The following CCDC150 variants were observed in gnomAD, a reference collection of about 807,000 sequenced individuals.
The protein encoded by CCDC150 is coiled-coil domain containing 150, also known as coiled-coil domain-containing protein 150.
Under a neutral mutation model 156.5 loss-of-function variants are expected in CCDC150, and 151 were observed. The observed-to-expected ratio is 0.97, with a 90% CI of 0.85 to 1.10. The LOEUF (loss-of-function observed/expected upper bound fraction) is 1.10. Among genes scored for constraint, CCDC150 ranks in the 50% least tolerant of loss-of-function variants. The pLI is 0.00. For missense variants in CCDC150, 1,312 were observed against 1,268.1 expected, an observed-to-expected ratio of 1.03 and a Z score of -0.53; for synonymous variants, 452 against 429.4, an observed-to-expected ratio of 1.05 and a Z score of -0.65.
chr2:196,723,758 G>GTT (rs1698055330), intron 21 of CCDC150, among the ~76,000 whole-genome samples: 1 of 152,176 alleles, frequency 6.6e-6, no homozygotes, highest in South Asian at 2.1e-4. Flanking sequence ...AAGCCACTGG[G>GTT]TTTTGCAACA....
rs759850028 is a variant in CCDC150 at position 196,665,628 on chromosome 2, C to T, written c.707C>T (p.Ala236Val). ...GAATCTTTAGAGAAATCAGCATCAG[C>T]CATGCTCCTCAAAATACAAGAAATG... The part of the protein sequence containing the change: ...LRESLEKSAS[A>V]MLLKIQEMGS... The change falls in exon 6 of 28, where the codon GCC becomes GTC. Residue 236 changes from alanine (A) to valine (V), a missense_variant. By Grantham distance (64) the Ala-to-Val change is moderately conservative (BLOSUM62 0). Coordinates refer to ENST00000389175, the MANE Select transcript of CCDC150 (RefSeq NM_001080539.2). The T allele has an allele frequency of 6.2e-7, 1 of 1,604,898 alleles. No homozygotes were observed. The highest frequency in any genetic ancestry group is 2.2e-5 in the East Asian group (1 of 44,534).
rs1048243631 is a variant in CCDC150, at chr2:196,657,524, G to T, written c.576+388G>T. On this transcript the variant is annotated intron_variant, in intron 4 of 27. Coordinates refer to ENST00000389175, the MANE Select transcript of CCDC150 (RefSeq NM_001080539.2). ...TAGGATAGGACAAAAAGTGAATATT[G>T]CCGAGTAAGGGCTTTGTGTTCAGAC... 3.8e-5 allele frequency: 7 copies of T among 182,224 alleles called. No homozygotes were observed. In the South Asian group the frequency reaches 8.4e-4, roughly 22 times the overall value. 11.3% of individuals were successfully genotyped at this position (182,224 alleles called of 1,614,324 possible). A position where few individuals can be genotyped will look rare whatever the true frequency, so the allele number is the denominator to read the frequency against.
At chr2:196,651,440 C>G (rs759821816) in intron 2 of CCDC150, among the ~76,000 whole-genome samples, 2 of 152,110 alleles carry the variant, frequency 1.3e-5, no homozygotes, top group Non-Finnish European at 2.9e-5. Flanking sequence ...GAAGAACTTT[C>G]TTTAGTTTTT....
chr2:196,665,116 A>G (rs1375451864), intron 5 of CCDC150, among the ~76,000 whole-genome samples: 1 of 152,172 alleles, frequency 6.6e-6, no homozygotes, highest in Non-Finnish European at 1.5e-5. Context: ...GAAAATACAC[A>G]CTAAGGTAAG....
chr2:196,650,621 T>A (rs1447028003), intron 2 of CCDC150, among the ~76,000 whole-genome samples: 1 of 152,230 alleles, frequency 6.6e-6, no homozygotes, highest in Non-Finnish European at 1.5e-5. Context: ...CTCAAACTCC[T>A]GACCTCGTGA....
intron 17 of CCDC150, among the ~76,000 whole-genome samples, chr2:196,716,721 T>C (rs1697525828): frequency 6.6e-6 from 1 of 152,092 alleles, no homozygotes; most frequent in African/African-American, 2.4e-5. Flanking sequence ...TGTGAAAACT[T>C]ATCAAAATGT....
intron 1 of CCDC150, among the ~76,000 whole-genome samples, chr2:196,641,797 A>C (rs980858509): frequency 6.6e-6 from 1 of 152,056 alleles, no homozygotes; most frequent in Admixed American, 6.5e-5. Flanking sequence ...TGGTTGTGAT[A>C]AACAACATTG....
chr2:196,706,573 G>T (rs1223422440), intron 15 of CCDC150, among the ~76,000 whole-genome samples: 1 of 152,192 alleles, frequency 6.6e-6, no homozygotes, highest in Admixed American at 6.5e-5. Context: ...GTGAGAGAGG[G>T]CATCCCTGTC....
chr2:196,657,704 CA>C (rs1216922405), intron 4 of CCDC150, among the ~76,000 whole-genome samples: 1 of 152,130 alleles, frequency 6.6e-6, no homozygotes, highest in Non-Finnish European at 1.5e-5. Flanking sequence ...AAGAAACTAA[CA>C]ATGTTGTTCT....
At chr2:196,700,173 T>C (rs941615804) in intron 14 of CCDC150, among the ~76,000 whole-genome samples, 2 of 152,212 alleles carry the variant, frequency 1.3e-5, no homozygotes, top group African/African-American at 4.8e-5. Context: ...ATAATGTCAA[T>C]ATGAGATACT....
chr2:196,699,626 T>A (rs1696068847), intron 14 of CCDC150, among the ~76,000 whole-genome samples: 1 of 152,056 alleles, frequency 6.6e-6, no homozygotes. Flanking sequence ...TTCAAGCAAT[T>A]CTCCTGCCTC....
chr2:196,680,861 T>C (rs923825676), intron 13 of CCDC150, among the ~76,000 whole-genome samples: 2 of 152,208 alleles, frequency 1.3e-5, no homozygotes, highest in Non-Finnish European at 2.9e-5. Flanking sequence ...AGTTCCAGTG[T>C]CTCCACATCC....
In CCDC150 at chr2:196,712,411, A is replaced by T. The variant is rs192306629; in HGVS notation, c.1803+159A>T. 1.8e-5 allele frequency: 10 copies of T among 570,366 alleles called. No individual in the cohort carries two copies. The East Asian group carries it at 2.5e-4, about 14-fold the overall frequency. The allele number at this position is 570,366 out of a possible 1,614,324, so 35.3% of individuals were successfully genotyped here. A position where few individuals can be genotyped will look rare whatever the true frequency, so the allele number is the denominator to read the frequency against. The stretch of plus-strand genomic sequence containing the variant: ...TTTTTTTCAAGCACCTAGTACATAC[A>T]AGGTTCTGCTAAAGCCTCAGAAATT... On this transcript the variant is annotated intron_variant, in intron 16 of 27. Transcript: ENST00000389175.
At chr2:196,670,606 C>T (rs981193306) in intron 8 of CCDC150, among the ~76,000 whole-genome samples, 1 of 151,048 alleles carries the variant, frequency 6.6e-6, no homozygotes, top group African/African-American at 2.4e-5. Flanking sequence ...GCTCCACTCT[C>T]AGGTCCTTGT....
At chr2:196,649,763 T>C (rs1352663932) in intron 2 of CCDC150, among the ~76,000 whole-genome samples, 1 of 152,244 alleles carries the variant, frequency 6.6e-6, no homozygotes, top group African/African-American at 2.4e-5. Flanking sequence ...GGTGCTATTG[T>C]AAATGGGATT....
intron 22 of CCDC150, chr2:196,726,732 A>G (rs899192965): frequency 6.6e-6 from 1 of 152,528 alleles, no homozygotes; most frequent in Admixed American, 6.5e-5. Flanking sequence ...CTTACTTACA[A>G]AAATGAACAG....
chr2:196,701,589 G>T (rs1434460646), intron 15 of CCDC150, among the ~76,000 whole-genome samples: 2 of 152,156 alleles, frequency 1.3e-5, no homozygotes, highest in Non-Finnish European at 2.9e-5. Context: ...TGTCCCTATG[G>T]TACCCCAGAG....
intron 13 of CCDC150, among the ~76,000 whole-genome samples, chr2:196,682,942 T>C (rs1694928182): frequency 6.6e-6 from 1 of 152,050 alleles, no homozygotes; most frequent in Admixed American, 6.6e-5. Context: ...TCCTGGGCTC[T>C]CTATTTGCTA....
Position 196,695,124 on chromosome 2 carries a change from C to A in CCDC150, c.1588C>A (p.Leu530Ile). 1 of 1,611,740 alleles carries A rather than the reference C, an allele frequency of 6.2e-7. No individual in the cohort carries two copies. Among genetic ancestry groups the A allele is most frequent in the South Asian group, 1.1e-5 (1 of 90,904 alleles). Residue 530 changes from leucine (L) to isoleucine (I), a missense_variant, in exon 14 of 28, where the codon CTA becomes ATA. Coordinates refer to ENST00000389175, the MANE Select transcript of CCDC150 (RefSeq NM_001080539.2). ...GCACCTGGCAGATCAAATGGCTTCCCTAGAACTTCAGCAAGTCACTTCTGA... is the reference window on the plus strand; with the variant it reads ...GCACCTGGCAGATCAAATGGCTTCCATAGAACTTCAGCAAGTCACTTCTGA... ...NKHLADQMASLELQQVTSDYH... is the reference protein window; with the variant it reads ...NKHLADQMASIELQQVTSDYH...
Sources: gnomAD v4.1 joint callset for allele counts (sites outside exome capture counted in the v4.1 genomes callset) on GRCh38, gnomAD v4.1.1 for gene constraint, MANE v1.5 for transcripts, NCBI Gene and HGNC (gene_info 2026-07-23, HGNC 2026-07-21) for gene names.